Variants in CAMTA1 observed in about 807,000 individuals in gnomAD.
CAMTA1 encodes calmodulin-binding transcription activator 1.
CAMTA1 carries 27 observed loss-of-function variants against 170.9 expected under a neutral mutation model. The ratio of observed to expected loss-of-function variants is 0.16; its 90% CI spans 0.12 to 0.22. The LOEUF is 0.22. CAMTA1 is among the 10% of genes least tolerant of loss of function. The pLI, the probability that CAMTA1 is intolerant of heterozygous loss-of-function variation, is 1.00. For synonymous variants in CAMTA1, 833 were observed against 891.5 expected, an observed-to-expected ratio of 0.93 and a Z score of 1.17; for missense variants, 1,619 against 2,217.2, an observed-to-expected ratio of 0.73 and a Z score of 5.42.
At chr1:7,036,643 T>G (rs1703638288) in intron 3 of CAMTA1, among the ~76,000 whole-genome samples, 1 of 152,242 alleles carries the variant, frequency 6.6e-6, no homozygotes, top group African/African-American at 2.4e-5. Flanking sequence ...TCCATTCCGC[T>G]AACATCTGAG....
At chr1:7,493,072 C>A (rs2093751126) in intron 6 of CAMTA1, among the ~76,000 whole-genome samples, 2 of 134,570 alleles carry the variant, frequency 1.5e-5, no homozygotes, top group African/African-American at 2.9e-5. Flanking sequence ...CGCACACACA[C>A]AGACATACAA....
At position 7,609,582 on chromosome 1, in the gene CAMTA1, C is replaced by G. The variant is rs778573930; in HGVS notation, c.511-30818C>G. 6.6e-6 allele frequency among the ~76,000 whole-genome samples: 1 copy of G among 152,218 alleles called. No individual in the cohort carries two copies. Among genetic ancestry groups the G allele is most frequent in the Non-Finnish European group, 1.5e-5 (1 of 68,044 alleles). ...CCTGCAGGAGTGAGCCAGCCTCAGC[C>G]AGGCCATGGCACAAAAGGGGAGGGG... On this transcript the variant is annotated intron_variant, in intron 6 of 22. Coordinates refer to ENST00000303635, the MANE Select transcript of CAMTA1 (RefSeq NM_015215.4). This position sits in a 1 kb window ranked among gnomAD's most constrained non-coding sequence, Gnocchi z 4.4.
At chr1:7,511,785 T>C (rs2149888731) in intron 6 of CAMTA1, among the ~76,000 whole-genome samples, 1 of 152,316 alleles carries the variant, frequency 6.6e-6, no homozygotes. Context: ...TCCTGGGCAC[T>C]TGGGACCTGG....
intron 5 of CAMTA1, among the ~76,000 whole-genome samples, chr1:7,449,785 AAAAG>A (rs1553168524): frequency 1.3e-4 from 20 of 150,756 alleles, no homozygotes; most frequent in South Asian, 4.2e-4. Flanking sequence ...AAAAAAAAAA[AAAAG>A]AAAGAAAGAA....
chr1:7,704,789 GGGGCCGGGCTGGGCC>G lies in CAMTA1; in HGVS notation c.2914+27066_2914+27080del, dbSNP rs1462948392. On this transcript the variant is annotated intron_variant, in intron 11 of 22. Coordinates refer to ENST00000303635, the MANE Select transcript of CAMTA1 (RefSeq NM_015215.4). ...GCGGCGAGTGGAGCTGAGCGGGCGC[GGGGCCGGGCTGGGCC>G]GGGCCGGGCGGGGCCGGGCGGGGCG... is the stretch of plus-strand genomic sequence containing the variant. 9.8e-4 allele frequency among the ~76,000 whole-genome samples: 145 copies of G among 147,794 alleles called. No homozygotes were observed. The Middle Eastern group carries it at 0.021, about 21-fold the overall frequency.
chr1:7,184,769 G>A (rs1177573941), intron 4 of CAMTA1, among the ~76,000 whole-genome samples: 1 of 152,084 alleles, frequency 6.6e-6, no homozygotes, highest in African/African-American at 2.4e-5. Context: ...AAAACATCAT[G>A]GGCTAGAGAC....
At chr1:7,016,209 A>T (rs1436206397) in intron 3 of CAMTA1, among the ~76,000 whole-genome samples, 1 of 152,060 alleles carries the variant, frequency 6.6e-6, no homozygotes, top group Non-Finnish European at 1.5e-5. Flanking sequence ...TCAGCCTGAC[A>T]CCCGTGAGAG....
At chr1:6,988,594 TC>T (rs1034423497) in intron 3 of CAMTA1, among the ~76,000 whole-genome samples, 6 of 151,902 alleles carry the variant, frequency 3.9e-5, no homozygotes, top group Non-Finnish European at 7.4e-5. Flanking sequence ...CCTTTTGGAT[TC>T]CCCCCCACCC....
chr1:6,786,798 G>A (rs1639531147), intron 1 of CAMTA1, among the ~76,000 whole-genome samples: 2 of 152,184 alleles, frequency 1.3e-5, no homozygotes, highest in African/African-American at 2.4e-5. Flanking sequence ...GAGAGTGGGC[G>A]CCCCAATAAG....
chr1:6,981,160 G>A (rs1381045011), intron 3 of CAMTA1, among the ~76,000 whole-genome samples: 1 of 152,130 alleles, frequency 6.6e-6, no homozygotes, highest in Non-Finnish European at 1.5e-5. Flanking sequence ...AATAGATGAT[G>A]TCAGTTCAGA....
At chr1:6,833,072 G>A (rs1374260520) in intron 3 of CAMTA1, among the ~76,000 whole-genome samples, 2 of 152,270 alleles carry the variant, frequency 1.3e-5, no homozygotes, top group Non-Finnish European at 2.9e-5. Flanking sequence ...AAGCTGGGGC[G>A]GAATGTCCTC....
intron 4 of CAMTA1, among the ~76,000 whole-genome samples, chr1:7,197,133 T>C (rs1408115489): frequency 1.3e-5 from 2 of 152,238 alleles, no homozygotes; most frequent in Non-Finnish European, 2.9e-5. Context: ...AAAAATAGAA[T>C]ATCACTGTGG....
At chr1:7,536,566 C>T (rs1051780831) in intron 6 of CAMTA1, among the ~76,000 whole-genome samples, 3 of 152,122 alleles carry the variant, frequency 2.0e-5, no homozygotes, top group Non-Finnish European at 4.4e-5. Flanking sequence ...GGGGCTCTAG[C>T]CCAGGGTTCC....
intron 5 of CAMTA1, among the ~76,000 whole-genome samples, chr1:7,323,507 C>CTTTTTTTTTTTTTTTTTTT (rs56382342): frequency 1.5e-4 from 16 of 109,000 alleles, no homozygotes; most frequent in Non-Finnish European, 1.6e-4. Flanking sequence ...CTTTATTCTT[C>CTTTTTTTTTTTTTTTTTTT]TTTTTTTTTT....
intron 5 of CAMTA1, among the ~76,000 whole-genome samples, chr1:7,323,768 G>A (rs1678859473): frequency 6.6e-6 from 1 of 152,078 alleles, no homozygotes; most frequent in South Asian, 2.1e-4. Context: ...GTTCACCGTT[G>A]TAGCCTTAAT....
chr1:7,250,024 G>C (rs1222164812), intron 5 of CAMTA1, among the ~76,000 whole-genome samples: 1 of 149,574 alleles, frequency 6.7e-6, no homozygotes, highest in South Asian at 2.1e-4. Flanking sequence ...TGCCAAGCTG[G>C]CAGGCCCCTC....
At chr1:7,046,445 C>T (rs1328861444) in intron 3 of CAMTA1, among the ~76,000 whole-genome samples, 3 of 152,158 alleles carry the variant, frequency 2.0e-5, no homozygotes, top group South Asian at 2.1e-4. Context: ...GGGAGCTGTC[C>T]GTGGTTCTTG....
At chr1:7,005,905 GC>G (rs1698939808) in intron 3 of CAMTA1, among the ~76,000 whole-genome samples, 1 of 152,206 alleles carries the variant, frequency 6.6e-6, no homozygotes, top group South Asian at 2.1e-4. Flanking sequence ...TGGAGGGGTG[GC>G]CCCTCAGTGG....
intron 4 of CAMTA1, among the ~76,000 whole-genome samples, chr1:7,110,080 A>G (rs1643920020): frequency 1.3e-5 from 2 of 152,124 alleles, no homozygotes; most frequent in Non-Finnish European, 2.9e-5. Context: ...CTGAGTTTCA[A>G]GTGATTCATC....
Sources: allele counts gnomAD v4.1 joint callset (sites outside exome capture counted in the v4.1 genomes callset), GRCh38; gene constraint gnomAD v4.1.1; non-coding constraint Gnocchi (gnomAD v3.1); transcripts MANE v1.5; gene names NCBI Gene and HGNC (gene_info 2026-07-23, HGNC 2026-07-21).